The following RAPGEF4 variants were observed in gnomAD, a reference collection of about 807,000 sequenced individuals.
RAPGEF4 encodes the protein RAP guanine-nucleotide-exchange factor (GEF) 4.
RAPGEF4 carries 66 observed loss-of-function variants against 147.9 expected under a neutral mutation model. The observed-to-expected ratio is 0.45, with a 90% CI of 0.37 to 0.55. RAPGEF4 has a LOEUF of 0.55. RAPGEF4 is among the 20% of genes least tolerant of loss of function. The pLI is 0.00. For missense variants in RAPGEF4, 1,071 were observed against 1,257.3 expected, an observed-to-expected ratio of 0.85 and a Z score of 2.24; for synonymous variants, 419 against 442.7, an observed-to-expected ratio of 0.95 and a Z score of 0.67.
chr2:173,033,215 T>C (rs573515055), intron 26 of RAPGEF4, among the ~76,000 whole-genome samples: 106 of 152,212 alleles, frequency 7.0e-4, no homozygotes, highest in Non-Finnish European at 9.6e-4. Flanking sequence ...TAAATGCTCA[T>C]GTAGAAAAGC....
intron 3 of RAPGEF4, among the ~76,000 whole-genome samples, chr2:172,811,809 T>C (rs1424232927): frequency 6.6e-6 from 1 of 152,230 alleles, no homozygotes; most frequent in Admixed American, 6.5e-5. Context: ...GAGCAACATA[T>C]ATTAGTTCTG....
At chr2:172,825,206 G>A (rs1019003446) in intron 4 of RAPGEF4, among the ~76,000 whole-genome samples, 1 of 152,202 alleles carries the variant, frequency 6.6e-6, no homozygotes, top group Admixed American at 6.5e-5. Context: ...CCTTAAATGT[G>A]CTCAGAACAC....
intron 17 of RAPGEF4, among the ~76,000 whole-genome samples, chr2:173,013,875 G>GC (rs1198899310): frequency 6.6e-6 from 1 of 152,136 alleles, no homozygotes; most frequent in African/African-American, 2.4e-5. Context: ...TGTGTCTGAG[G>GC]CCCTCACCAG....
chr2:172,905,770 G>A lies in RAPGEF4; in HGVS notation c.445-12032G>A, dbSNP rs145984274. Reference sequence around the variant, plus strand: ...TTGACAAGCAGAATTTTGCTTCCACGTAGAAATGTCTATAAAAGGGCCAAA... The same window carrying A: ...TTGACAAGCAGAATTTTGCTTCCACATAGAAATGTCTATAAAAGGGCCAAA... On this transcript the variant is annotated intron_variant, in intron 4 of 30. Coordinates refer to ENST00000397081, the MANE Select transcript of RAPGEF4 (RefSeq NM_007023.4). Among the ~76,000 whole-genome samples, 13 of 152,308 alleles carry A rather than the reference G, an allele frequency of 8.5e-5. No individual in the cohort carries two copies. In the East Asian group the frequency reaches 1.5e-3, roughly 18 times the overall value.
intron 4 of RAPGEF4, among the ~76,000 whole-genome samples, chr2:172,818,417 T>A (rs1688724624): frequency 6.6e-6 from 1 of 152,170 alleles, no homozygotes; most frequent in African/African-American, 2.4e-5. Context: ...GGATAAGGCC[T>A]CCACCATCAG....
chr2:172,928,152 G>T (rs1685561381), intron 6 of RAPGEF4: 1 of 451,682 alleles, frequency 2.2e-6, no homozygotes, highest in African/African-American at 2.0e-5. Context: ...AGAAAATACC[G>T]TGACTTCATG....
chr2:172,925,829 GGAAA>G (rs1489327342), intron 6 of RAPGEF4, among the ~76,000 whole-genome samples: 3 of 137,718 alleles, frequency 2.2e-5, no homozygotes, highest in Non-Finnish European at 4.7e-5. Context: ...AAGAAAGAAA[GGAAA>G]GAAGGAAGGA....
chr2:172,905,175 TC>T (rs1178549220), intron 4 of RAPGEF4, among the ~76,000 whole-genome samples: 1 of 152,140 alleles, frequency 6.6e-6, no homozygotes, highest in African/African-American at 2.4e-5. Flanking sequence ...GAATTTGCCC[TC>T]TCCTCCCCAC....
chr2:172,855,570 A>G (rs569898823), intron 4 of RAPGEF4, among the ~76,000 whole-genome samples: 1 of 152,220 alleles, frequency 6.6e-6, no homozygotes, highest in South Asian at 2.1e-4. Flanking sequence ...GGTGTCTTTT[A>G]CCTTCATTCT....
intron 29 of RAPGEF4, among the ~76,000 whole-genome samples, chr2:173,041,879 G>T (rs1353947405): frequency 2.0e-5 from 3 of 151,546 alleles, no homozygotes; most frequent in Non-Finnish European, 4.4e-5. Context: ...TCAGGCCTCA[G>T]CTCACAGGTC....
At chr2:173,041,299 G>C (rs1376797244) in intron 29 of RAPGEF4, among the ~76,000 whole-genome samples, 1 of 152,098 alleles carries the variant, frequency 6.6e-6, no homozygotes, top group African/African-American at 2.4e-5. Flanking sequence ...ACGTGTTCAA[G>C]TCCACCCTAT....
intron 12 of RAPGEF4, 49 bp from the exon 13 acceptor site, chr2:172,988,147 T>C: frequency 6.5e-7 from 1 of 1,549,902 alleles, no homozygotes; most frequent in South Asian, 1.2e-5. Flanking sequence ...TAATTTATAT[T>C]GATGTGCTTC....
chr2:172,807,071 A>T (rs1687568744), intron 3 of RAPGEF4, among the ~76,000 whole-genome samples: 1 of 152,254 alleles, frequency 6.6e-6, no homozygotes, highest in Admixed American at 6.5e-5. Flanking sequence ...TATTGAGCCC[A>T]TAAAACGTGA....
chr2:172,991,924 G>A, intron 15 of RAPGEF4, among the ~76,000 whole-genome samples: 1 of 152,136 alleles, frequency 6.6e-6, no homozygotes, highest in East Asian at 1.9e-4. Context: ...AGTATATTTT[G>A]CAGATTTTAT....
In RAPGEF4 at chr2:172,740,809, T is replaced by G. The variant is rs186848272; in HGVS notation, c.65+4761T>G. The stretch of plus-strand genomic sequence containing the variant: ...TACTGACTTGTTAGCACATCAAAAA[T>G]TAATGTATCTTTCAGCAACAGATAC... On this transcript the variant is annotated intron_variant, in intron 1 of 30. Coordinates refer to ENST00000397081, the MANE Select transcript of RAPGEF4 (RefSeq NM_007023.4). 3.2e-3 allele frequency among the ~76,000 whole-genome samples: 494 copies of G among 152,258 alleles called. 1 individual carries two copies. The highest frequency in any genetic ancestry group is 5.5e-3 in the Non-Finnish European group (377 of 68,002).
At chr2:172,993,260 G>A (rs1311764361) in intron 15 of RAPGEF4, among the ~76,000 whole-genome samples, 2 of 152,126 alleles carry the variant, frequency 1.3e-5, no homozygotes, top group African/African-American at 4.8e-5. Flanking sequence ...GCCCTTAGTC[G>A]TTTACTGTTT....
At chr2:173,021,742 T>C (rs1005569725) in intron 23 of RAPGEF4, among the ~76,000 whole-genome samples, 1 of 152,192 alleles carries the variant, frequency 6.6e-6, no homozygotes, top group African/African-American at 2.4e-5. Context: ...CCTTGGACTT[T>C]TTAGAGGTTG....
chr2:172,958,570 G>A (rs929369567), intron 6 of RAPGEF4, among the ~76,000 whole-genome samples: 1 of 152,220 alleles, frequency 6.6e-6, no homozygotes, highest in African/African-American at 2.4e-5. Flanking sequence ...CCATAACAGA[G>A]CATGGACTAT....
intron 11 of RAPGEF4, among the ~76,000 whole-genome samples, chr2:172,984,839 A>T: frequency 6.6e-6 from 1 of 152,302 alleles, no homozygotes; most frequent in East Asian, 1.9e-4. Flanking sequence ...AACCCCAGGT[A>T]CCCAGGCATA....
Sources: allele counts gnomAD v4.1 joint callset (sites outside exome capture counted in the v4.1 genomes callset), GRCh38; gene constraint gnomAD v4.1.1; transcripts MANE v1.5; gene names NCBI Gene and HGNC (gene_info 2026-07-23, HGNC 2026-07-21).